Variants in BMPR2 observed in about 807,000 individuals in gnomAD.
BMPR2 encodes the protein bone morphogenetic protein receptor type-2.
Under a neutral mutation model 100.8 loss-of-function variants are expected in BMPR2, and 29 were observed. The observed-to-expected ratio is 0.29, with a 90% CI of 0.21 to 0.39. The LOEUF is 0.39. Among genes scored for constraint, BMPR2 ranks in the 10% least tolerant of loss-of-function variants. BMPR2 has a pLI of 1.00. For synonymous variants in BMPR2, 382 were observed against 442.3 expected (o/e 0.86, Z 1.71); for missense variants, 1,011 against 1,274.5 (o/e 0.79, Z 3.15).
intron 3 of BMPR2, among the ~76,000 whole-genome samples, chr2:202,469,024 GGTTTTGTTTT>G (rs1199780975): frequency 6.6e-6 from 1 of 151,640 alleles, no homozygotes; most frequent in Non-Finnish European, 1.5e-5. Flanking sequence ...TTTATTTTTT[GGTTTTGTTTT>G]GTTTTGTTTT....
chr2:202,499,212 T>C (rs139601339), intron 3 of BMPR2, among the ~76,000 whole-genome samples: 5,277 of 152,232 alleles, frequency 0.035, 304 homozygotes, highest in African/African-American at 0.12. Flanking sequence ...GATAGGTACA[T>C]AGATGTCCTA....
chr2:202,566,713 T>C lies in BMPR2; in HGVS notation c.*6767T>C, dbSNP rs1688769304. On this transcript the variant is annotated 3_prime_UTR_variant, in exon 13 of 13. Coordinates refer to ENST00000374580, the MANE Select transcript of BMPR2 (RefSeq NM_001204.7). ...TTCTAAAAGTGAACTAAATATTTTA[T>C]AACTTTAGTAATAGCTTGGATGGTT... 1 of 152,238 alleles carries C rather than the reference T, an allele frequency of 6.6e-6. No individual in the cohort carries two copies. Among genetic ancestry groups the C allele is most frequent in the Non-Finnish European group, 1.5e-5 (1 of 68,024 alleles). The allele number at this position is 152,238 out of a possible 1,614,324, so 9.4% of individuals were successfully genotyped here.
chr2:202,519,042 A>G lies in BMPR2; in HGVS notation c.842A>G (p.Tyr281Cys). 2 of 1,613,674 alleles carry G rather than the reference A, an allele frequency of 1.2e-6. No individual in the cohort carries two copies. The highest frequency in any genetic ancestry group is 8.5e-7 in the Non-Finnish European group (1 of 1,179,664). Residue 281 changes from tyrosine to cysteine, a missense_variant, in exon 6 of 13, where the codon TAC (tyrosine) becomes TGC (cysteine). Around this residue, in one of 6 missense-constraint regions of BMPR2, gnomAD observed 355 missense variants for 455.3 expected, o/e 0.78. Coordinates refer to ENST00000374580, the MANE Select transcript of BMPR2 (RefSeq NM_001204.7). ...GRMEYLLVMEYYPNGSLCKYL... is the reference protein window; with the variant it reads ...GRMEYLLVMECYPNGSLCKYL... ...ATGGAATATTTGCTTGTGATGGAGT[A>G]CTATCCCAATGTAAGTTCTTCATAG...
chr2:202,560,584 G>T lies in BMPR2; in HGVS notation c.*638G>T, dbSNP rs1688662978. 6.5e-6 allele frequency: 1 copy of T among 152,970 alleles called. No individual in the cohort carries two copies. The highest frequency in any genetic ancestry group is 2.4e-5 in the African/African-American group (1 of 41,430). The allele number at this position is 152,970 out of a possible 1,614,324, so 9.5% of individuals were successfully genotyped here. A position where few individuals can be genotyped will look rare whatever the true frequency, so the allele number is the denominator to read the frequency against. On this transcript the variant is annotated 3_prime_UTR_variant, in exon 13 of 13. Coordinates refer to ENST00000374580, the MANE Select transcript of BMPR2 (RefSeq NM_001204.7). Reference sequence around the variant, plus strand: ...TTTTGAAGGTCAGTTCTATGACAGTGAATTTTGCACAGGAGAAGCAGCTAC... The same window carrying T: ...TTTTGAAGGTCAGTTCTATGACAGTTAATTTTGCACAGGAGAAGCAGCTAC...
chr2:202,413,110 G>A (rs976258147), intron 1 of BMPR2, among the ~76,000 whole-genome samples: 3 of 152,172 alleles, frequency 2.0e-5, no homozygotes, highest in Admixed American at 6.5e-5. Context: ...TCTCAGCTGA[G>A]GTCAAACAAG....
intron 1 of BMPR2, among the ~76,000 whole-genome samples, chr2:202,415,516 A>G (rs899186714): frequency 1.1e-4 from 17 of 152,158 alleles, no homozygotes; most frequent in African/African-American, 3.6e-4. Context: ...GAGAGAAATC[A>G]ATGCCTGGCT....
intron 12 of BMPR2, among the ~76,000 whole-genome samples, chr2:202,556,856 G>A (rs577445328): frequency 4.6e-5 from 7 of 151,066 alleles, no homozygotes; most frequent in African/African-American, 7.3e-5. Context: ...AGGCCAAGGC[G>A]GGCAGATTAC....
chr2:202,542,733 T>C (rs1323639700), intron 10 of BMPR2, among the ~76,000 whole-genome samples: 1 of 152,176 alleles, frequency 6.6e-6, no homozygotes, highest in Non-Finnish European at 1.5e-5. Context: ...CATATTAATA[T>C]TTTAAATATT....
chr2:202,472,722 T>TA (rs1692460495), intron 3 of BMPR2, among the ~76,000 whole-genome samples: 1 of 152,232 alleles, frequency 6.6e-6, no homozygotes, highest in Non-Finnish European at 1.5e-5. Context: ...ACAGCTGCCT[T>TA]ACATTTCAGA....
chr2:202,533,218 C>T (rs563986704), intron 9 of BMPR2, among the ~76,000 whole-genome samples: 36 of 151,944 alleles, frequency 2.4e-4, no homozygotes, highest in Admixed American at 5.2e-4. Flanking sequence ...TTATCTCCTT[C>T]CCTTCCTCCT....
chr2:202,389,633 G>A (rs1212237831), intron 1 of BMPR2, among the ~76,000 whole-genome samples: 1 of 150,988 alleles, frequency 6.6e-6, no homozygotes, highest in Admixed American at 6.6e-5. Flanking sequence ...CATTGTAAAA[G>A]GGTTTTATAA....
chr2:202,522,771 A>T (rs1420133254), intron 7 of BMPR2, among the ~76,000 whole-genome samples: 3 of 151,816 alleles, frequency 2.0e-5, no homozygotes, highest in African/African-American at 7.3e-5. Context: ...TTCTAATTGC[A>T]ATGAGCTATG....
intron 1 of BMPR2, among the ~76,000 whole-genome samples, chr2:202,392,278 C>G (rs755601271): frequency 1.1e-4 from 16 of 151,834 alleles, no homozygotes; most frequent in Non-Finnish European, 1.8e-4. Context: ...ACCATGTTGT[C>G]CAGGCTGGTC....
chr2:202,483,579 G>T (rs549849328), intron 3 of BMPR2, among the ~76,000 whole-genome samples: 1 of 151,610 alleles, frequency 6.6e-6, no homozygotes, highest in South Asian at 2.1e-4. Flanking sequence ...TTGTATTTTT[G>T]GTAGCGATGG....
chr2:202,507,611 G>C (rs548219057), intron 3 of BMPR2, among the ~76,000 whole-genome samples: 1 of 151,926 alleles, frequency 6.6e-6, no homozygotes, highest in South Asian at 2.1e-4. Context: ...CTGATCTCAA[G>C]CTCCTGGCCT....
At chr2:202,497,083 C>T (rs1274614207) in intron 3 of BMPR2, among the ~76,000 whole-genome samples, 1 of 152,242 alleles carries the variant, frequency 6.6e-6, no homozygotes, top group East Asian at 1.9e-4. Context: ...GCACTGGGTC[C>T]CCCAGCAGTG....
At chr2:202,445,147 A>G (rs1691826212) in intron 1 of BMPR2, among the ~76,000 whole-genome samples, 1 of 150,608 alleles carries the variant, frequency 6.6e-6, no homozygotes, top group African/African-American at 2.5e-5. Flanking sequence ...ATCACCATAT[A>G]CTTGAAAATG....
chr2:202,533,150 T>A (rs1260665645), intron 9 of BMPR2, among the ~76,000 whole-genome samples: 1 of 152,036 alleles, frequency 6.6e-6, no homozygotes, highest in Non-Finnish European at 1.5e-5. Context: ...TTTTTCATGC[T>A]CCCTTTCTCC....
Position 202,385,992 on chromosome 2 carries a change from C to T in BMPR2, c.76+8442C>T, listed in dbSNP as rs923165811. Among the ~76,000 whole-genome samples the T allele has an allele frequency of 2.0e-5, 3 of 151,516 alleles. No individual in the cohort carries two copies. The East Asian group carries it at 5.8e-4, about 29-fold the overall frequency. On this transcript the variant is annotated intron_variant, in intron 1 of 12. Transcript: ENST00000374580. The stretch of plus-strand genomic sequence containing the variant: ...ATGAGCCAATTTAATCCTTTTTTTT[C>T]ATCCTTCAAGTACTTTCTTCATTTG...
Sources: allele counts gnomAD v4.1 joint callset (sites outside exome capture counted in the v4.1 genomes callset), GRCh38; gene constraint gnomAD v4.1.1; regional missense constraint gnomAD v4.1.1; transcripts MANE v1.5; gene names NCBI Gene and HGNC (gene_info 2026-07-23, HGNC 2026-07-21).